STXBP5: variants seen among roughly 807,000 people sequenced by gnomAD.
The protein encoded by STXBP5 is syntaxin binding protein 5.
A neutral mutation model predicts 152.4 loss-of-function variants in STXBP5; 50 were observed. That is an observed-to-expected ratio of 0.33 (90% CI 0.26 to 0.42). The LOEUF (loss-of-function observed/expected upper bound fraction) is 0.42, where lower values mean the gene tolerates loss of function less well. Among genes scored for constraint, STXBP5 ranks in the 10% least tolerant of loss-of-function variants. The probability of loss-of-function intolerance (pLI) is 1.00; values close to 1 mark genes in which losing one functional copy is unlikely to be tolerated. For missense variants in STXBP5, 1,167 were observed against 1,388.6 expected (o/e 0.84, Z 2.54); for synonymous variants, 492 against 494.7 (o/e 0.99, Z 0.07).
rs1786508005 is a variant in STXBP5, at chr6:147,389,814, T to C, written c.*5059T>C. On this transcript the variant is annotated 3_prime_UTR_variant, in exon 28 of 28. Coordinates refer to ENST00000321680, the MANE Select transcript of STXBP5 (RefSeq NM_001127715.4). ...GAAAGCAATGCAAAGAGGGTAAATC[T>C]TGTTTTAATTTTTTTAACTTTTTTT... is the stretch of plus-strand genomic sequence containing the variant. 1 of 151,724 alleles carries C rather than the reference T, an allele frequency of 6.6e-6. No individual in the cohort carries two copies. The highest frequency in any genetic ancestry group is 2.4e-5 in the African/African-American group (1 of 41,278). 9.4% of individuals were successfully genotyped at this position (151,724 alleles called of 1,614,324 possible).
intron 21 of STXBP5, among the ~76,000 whole-genome samples, chr6:147,348,580 A>G (rs116113319): frequency 8.3e-4 from 127 of 152,278 alleles, no homozygotes; most frequent in African/African-American, 3.0e-3. Flanking sequence ...GTTTTCATCT[A>G]AACAGTTTTT....
In STXBP5 at chr6:147,359,109, A is replaced by T. The variant is rs1161212432; in HGVS notation, c.2331A>T (p.Arg777=). The change falls in exon 23 of 28, where the codon CGA becomes CGT. Residue 777 remains arginine (R), a synonymous_variant. Coordinates refer to ENST00000321680, the MANE Select transcript of STXBP5 (RefSeq NM_001127715.4). Reference sequence around the variant, plus strand: ...ATGTAAAGGATAACTCCTTTAGCCGATCACGGAGTTCAAGTGTAACAAGCA... The same window carrying T: ...ATGTAAAGGATAACTCCTTTAGCCGTTCACGGAGTTCAAGTGTAACAAGCA... The part of the protein sequence containing the change: ...DLDVKDNSFS[R]SRSSSVTSID... 2 of 1,613,970 alleles carry T rather than the reference A, an allele frequency of 1.2e-6. No homozygotes were observed. Among genetic ancestry groups the T allele is most frequent in the Non-Finnish European group, 1.7e-6 (2 of 1,179,902 alleles).
chr6:147,277,655 A>G (rs1214668094), intron 7 of STXBP5, among the ~76,000 whole-genome samples: 1 of 152,094 alleles, frequency 6.6e-6, no homozygotes, highest in Non-Finnish European at 1.5e-5. Context: ...TTCCAAATCT[A>G]CATTTTGGCT....
chr6:147,335,418 T>C (rs1309801736), intron 19 of STXBP5, among the ~76,000 whole-genome samples: 2 of 152,322 alleles, frequency 1.3e-5, no homozygotes, highest in South Asian at 4.1e-4. Flanking sequence ...TTTGTCAATA[T>C]GTTAAGGATA....
At chr6:147,233,055 C>A (rs940683790) in intron 2 of STXBP5, among the ~76,000 whole-genome samples, 1 of 151,730 alleles carries the variant, frequency 6.6e-6, no homozygotes, top group Non-Finnish European at 1.5e-5. Context: ...TTTCTGTATT[C>A]CCAATCTGTT....
intron 10 of STXBP5, 84 bp downstream of exon 10, chr6:147,310,322 C>T (rs1782301843): frequency 3.0e-5 from 32 of 1,069,578 alleles, no homozygotes; most frequent in Non-Finnish European, 3.9e-5. Context: ...TTAGATAAAA[C>T]TACTCATCCT....
At chr6:147,302,596 C>A (rs556570199) in intron 9 of STXBP5, among the ~76,000 whole-genome samples, 11 of 148,890 alleles carry the variant, frequency 7.4e-5, no homozygotes, top group African/African-American at 2.7e-4. Context: ...GTGGGCAGAT[C>A]ATGAGGTCAG....
At chr6:147,353,250 A>G (rs1274164839) in intron 21 of STXBP5, 73 bp from the exon 22 acceptor site, 12 of 929,326 alleles carry the variant, frequency 1.3e-5, no homozygotes, top group Middle Eastern at 5.3e-4. Flanking sequence ...ATTCACTTCT[A>G]TCTTGAAAAT....
intron 4 of STXBP5, among the ~76,000 whole-genome samples, chr6:147,253,409 C>A (rs1466227546): frequency 6.6e-6 from 1 of 152,134 alleles, no homozygotes; most frequent in Admixed American, 6.6e-5. Context: ...ACAAGGATGC[C>A]CTCTCTCCCC....
chr6:147,314,356 A>G lies in STXBP5; in HGVS notation c.1361+25A>G, dbSNP rs1301838662. On this transcript the variant is annotated intron_variant, in intron 13 of 27. Coordinates refer to ENST00000321680, the MANE Select transcript of STXBP5 (RefSeq NM_001127715.4). Reference sequence around the variant, plus strand: ...GGTAAGTAAAAGTCTGTCTTCACCAAGTAAATCTATAATAGCTAAATATAA... The same window carrying G: ...GGTAAGTAAAAGTCTGTCTTCACCAGGTAAATCTATAATAGCTAAATATAA... 8 of 1,591,072 alleles carry G rather than the reference A, an allele frequency of 5.0e-6. No individual in the cohort carries two copies. The East Asian group carries it at 6.7e-5, about 13-fold the overall frequency.
intron 7 of STXBP5, among the ~76,000 whole-genome samples, chr6:147,267,780 A>G (rs1240663083): frequency 2.0e-5 from 3 of 152,056 alleles, no homozygotes; most frequent in South Asian, 2.1e-4. Flanking sequence ...TGGCAAGACT[A>G]CTTCATAGAT....
intron 4 of STXBP5, among the ~76,000 whole-genome samples, chr6:147,247,688 T>C (rs1490065921): frequency 2.0e-5 from 3 of 152,176 alleles, no homozygotes; most frequent in Non-Finnish European, 4.4e-5. Flanking sequence ...TTCTGCATCT[T>C]TTGTTTCAAT....
At chr6:147,311,645 G>T in intron 11 of STXBP5, 118 bp downstream of exon 11, 1 of 713,960 alleles carries the variant, frequency 1.4e-6, no homozygotes, top group African/African-American at 1.8e-5. Flanking sequence ...CCATAACCTT[G>T]ACCTCTTTTG....
At chr6:147,336,226 A>G (rs1277625515) in intron 19 of STXBP5, among the ~76,000 whole-genome samples, 1 of 152,150 alleles carries the variant, frequency 6.6e-6, no homozygotes, top group South Asian at 2.1e-4. Flanking sequence ...TAGTAAGAGC[A>G]TTACAGTAGA....
At chr6:147,346,309 G>T (rs1562260110) in intron 21 of STXBP5, among the ~76,000 whole-genome samples, 1 of 152,190 alleles carries the variant, frequency 6.6e-6, no homozygotes, top group Non-Finnish European at 1.5e-5. Context: ...TTATACCAGT[G>T]TACAGAGTAC....
chr6:147,304,656 C>G (rs1042864496), intron 9 of STXBP5, among the ~76,000 whole-genome samples: 4 of 152,150 alleles, frequency 2.6e-5, no homozygotes, highest in Non-Finnish European at 5.9e-5. Flanking sequence ...TCAACACCAA[C>G]CCATGAAAGC....
At chr6:147,334,450 A>G (rs1783730744) in intron 19 of STXBP5, among the ~76,000 whole-genome samples, 1 of 152,184 alleles carries the variant, frequency 6.6e-6, no homozygotes, top group African/African-American at 2.4e-5. Context: ...AGAATCATGT[A>G]ATTGTTTATT....
Position 147,245,413 on chromosome 6 carries a change from A to G in STXBP5, c.431+6143A>G, listed in dbSNP as rs775471944. Among the ~76,000 whole-genome samples, 13 of 152,300 alleles carry G rather than the reference A, an allele frequency of 8.5e-5. No homozygotes were observed. In the East Asian group the frequency reaches 1.5e-3, roughly 18 times the overall value. Reference sequence around the variant, plus strand: ...AATTAGCATGTAGCTTATTATGCCAATTGCCAGACTCAGCTCAGGGATTTG... The same window carrying G: ...AATTAGCATGTAGCTTATTATGCCAGTTGCCAGACTCAGCTCAGGGATTTG... On this transcript the variant is annotated intron_variant, in intron 4 of 27. Transcript: ENST00000321680.
At chr6:147,325,279 G>A (rs1783190009) in intron 17 of STXBP5, among the ~76,000 whole-genome samples, 195 bp downstream of exon 17, 2 of 152,106 alleles carry the variant, frequency 1.3e-5, no homozygotes, top group Admixed American at 6.5e-5. Flanking sequence ...TATGCATGCA[G>A]TATTTCCTGA....
Sources: gnomAD v4.1 joint callset for allele counts (sites outside exome capture counted in the v4.1 genomes callset) on GRCh38, gnomAD v4.1.1 for gene constraint, MANE v1.5 for transcripts, NCBI Gene and HGNC (gene_info 2026-07-23, HGNC 2026-07-21) for gene names.